Variants in MAP3K2 observed in about 807,000 individuals in gnomAD.
MAP3K2 encodes mitogen-activated protein kinase kinase kinase 2.
A neutral mutation model predicts 80.3 loss-of-function variants in MAP3K2; 24 were observed. That is an observed-to-expected ratio of 0.30 (90% confidence interval 0.22 to 0.42). MAP3K2 has a LOEUF of 0.42. Ranked by LOEUF, MAP3K2 falls within the 10% of genes least tolerant of loss-of-function variation. The probability of loss-of-function intolerance (pLI) is 1.00; values close to 1 mark genes in which losing one functional copy is unlikely to be tolerated. For missense variants in MAP3K2, 608 were observed against 750.1 expected, an observed-to-expected ratio of 0.81 and a Z score of 2.21; for synonymous variants, 244 against 253.7, an observed-to-expected ratio of 0.96 and a Z score of 0.36.
At chr2:127,381,693 T>C (rs1287607105) in intron 1 of MAP3K2, among the ~76,000 whole-genome samples, 1 of 152,160 alleles carries the variant, frequency 6.6e-6, no homozygotes, top group Non-Finnish European at 1.5e-5. Flanking sequence ...GTGAGAAAAA[T>C]ATACCTCACC....
In MAP3K2 at chr2:127,300,598, T is replaced by C. The variant is rs574457274; in HGVS notation, c.*6981A>G. 37 of 152,128 alleles carry C rather than the reference T, an allele frequency of 2.4e-4. No individual in the cohort carries two copies. Among genetic ancestry groups the C allele is most frequent in the Non-Finnish European group, 4.0e-4 (27 of 67,980 alleles). 9.4% of individuals were successfully genotyped at this position (152,128 alleles called of 1,614,324 possible). On this transcript the variant is annotated 3_prime_UTR_variant, in exon 17 of 17. Coordinates refer to ENST00000682094, the MANE Select transcript of MAP3K2 (RefSeq NM_001371910.2). ...TTAAAAGTATTTTTGGTATTAACTC[T>C]TATAATATTTCAGAATTCAGGGTAG...
rs571094254 is a variant in MAP3K2, at chr2:127,333,045, T to C, written c.265-2540A>G. Among the ~76,000 whole-genome samples the C allele has an allele frequency of 1.3e-3, 200 of 151,504 alleles. 1 individual carries two copies. The highest frequency in any genetic ancestry group is 6.8e-3 in the Middle Eastern group (2 of 292). ...CTTAGAAGGCTGAGTGGGGAGAGGA[T>C]TGATTGAGCCAGGGAGGTCAAGGCT... On this transcript the variant is annotated intron_variant, in intron 5 of 16. Transcript: ENST00000682094.
In MAP3K2 at chr2:127,324,192, T is replaced by C. The variant is rs1421561805; in HGVS notation, c.727A>G (p.Asn243Asp). ...GTCTAACCTGAAAATTCCTGATGAT[T>C]ATCTGGGTAGCTCTGAGCCCTAGGC... ...RMPRAQSYPD[N>D]HQEFSDYDNP... is the part of the protein sequence containing the mutation. The change falls in exon 10 of 17, where the codon AAT (asparagine) becomes GAT (aspartate). Residue 243 changes from asparagine (N) to aspartate (D), a missense_variant. By Grantham distance (23) the Asn-to-Asp change is conservative. Around this residue, in one of 4 missense-constraint regions of MAP3K2, gnomAD observed 467 missense variants for 521.9 expected, o/e 0.89. Transcript: ENST00000682094. The C allele has an allele frequency of 1.9e-6, 3 of 1,558,514 alleles. No homozygotes were observed. Among genetic ancestry groups the C allele is most frequent in the Non-Finnish European group, 2.6e-6 (3 of 1,152,766 alleles).
chr2:127,311,474 G>T (rs927196323), intron 15 of MAP3K2, among the ~76,000 whole-genome samples: 2 of 152,172 alleles, frequency 1.3e-5, no homozygotes, highest in African/African-American at 4.8e-5. Context: ...AAAACGGGTA[G>T]CCAGGCTCCA....
rs1346013762 is a variant in MAP3K2, at chr2:127,317,943, T to C, written c.1195-183A>G. On this transcript the variant is annotated intron_variant, in intron 13 of 16. Coordinates refer to ENST00000682094, the MANE Select transcript of MAP3K2 (RefSeq NM_001371910.2). The stretch of plus-strand genomic sequence containing the variant: ...GATGATATGCTAAAGCAACACTGAC[T>C]CAGATTAGGATTATAACTGAAGTAC... Among the ~76,000 whole-genome samples, 3 of 151,962 alleles carry C rather than the reference T, an allele frequency of 2.0e-5. No homozygotes were observed. In the East Asian group the frequency reaches 5.8e-4, roughly 29 times the overall value.
intron 5 of MAP3K2, among the ~76,000 whole-genome samples, chr2:127,334,741 C>T (rs184351432): frequency 2.7e-5 from 4 of 150,154 alleles, no homozygotes; most frequent in Admixed American, 1.3e-4. Flanking sequence ...CCACTGTGCT[C>T]TGCCCGTTAT....
At position 127,306,694 on chromosome 2, in the gene MAP3K2, C is replaced by A. The variant is rs1162212570; in HGVS notation, c.*885G>T. 1 of 152,146 alleles carries A rather than the reference C, an allele frequency of 6.6e-6. No homozygotes were observed. Among genetic ancestry groups the A allele is most frequent in the East Asian group, 1.9e-4 (1 of 5,198 alleles). The allele number at this position is 152,146 out of a possible 1,614,324, so 9.4% of individuals were successfully genotyped here. On this transcript the variant is annotated 3_prime_UTR_variant, in exon 17 of 17. Coordinates refer to ENST00000682094, the MANE Select transcript of MAP3K2 (RefSeq NM_001371910.2). This position sits in a 1 kb window ranked among gnomAD's most constrained non-coding sequence, Gnocchi z 4.7. ...CCCCCTCAAGTAAAACAAAACAAAA[C>A]TGTTTAAAATACACTAAACACCTAA...
At chr2:127,354,711 G>C (rs773690288) in intron 1 of MAP3K2, among the ~76,000 whole-genome samples, 5 of 151,922 alleles carry the variant, frequency 3.3e-5, no homozygotes, top group Non-Finnish European at 2.9e-5. Flanking sequence ...ATAATATATG[G>C]TATTGAATCA....
At chr2:127,330,983 G>A (rs1180418646) in intron 5 of MAP3K2, among the ~76,000 whole-genome samples, 1 of 152,094 alleles carries the variant, frequency 6.6e-6, no homozygotes, top group African/African-American at 2.4e-5. Context: ...TGCCATGGAG[G>A]ACAGCTGCCA....
chr2:127,314,955 T>A lies in MAP3K2; in HGVS notation c.1327-72A>T. 5.4e-6 allele frequency: 6 copies of A among 1,115,866 alleles called. No homozygotes were observed. The South Asian group carries it at 7.2e-5, about 13-fold the overall frequency. 69.1% of individuals were successfully genotyped at this position (1,115,866 alleles called of 1,614,324 possible). ...AATGAAAACTGCTATTAAATCTTTA[T>A]CAGTAAAGAGGGCAGGAATTCTCAT... is the stretch of plus-strand genomic sequence containing the variant. On this transcript the variant is annotated intron_variant, in intron 14 of 16. Coordinates refer to ENST00000682094, the MANE Select transcript of MAP3K2 (RefSeq NM_001371910.2).
intron 9 of MAP3K2, among the ~76,000 whole-genome samples, chr2:127,324,820 T>A (rs563855404): frequency 2.8e-4 from 42 of 152,324 alleles, no homozygotes; most frequent in Non-Finnish European, 5.6e-4. Context: ...CAGAGAGGAT[T>A]ACCAAGAATA....
At position 127,319,654 on chromosome 2, in the gene MAP3K2, AAAAAAAAAAAAAAAAAAAAAAAAAG is replaced by A. The variant is rs892860280; in HGVS notation, c.1046-1362_1046-1338del. Among the ~76,000 whole-genome samples the A allele has an allele frequency of 8.5e-3, 172 of 20,302 alleles. 2 individuals carry two copies. The East Asian group carries it at 0.28, about 33-fold the overall frequency. 13.3% of individuals were successfully genotyped at this position (20,302 alleles called of 152,430 possible). ...ACCCCATCTCTACTAAAAATACAAAAAAAAAAAAAAAAAAAAAAAAAAAAGAAAAAGAAAAATAGCCAGGTGTGGT... is the reference window on the plus strand; with the variant it reads ...ACCCCATCTCTACTAAAAATACAAAAAAAAAGAAAAATAGCCAGGTGTGGT... On this transcript the variant is annotated intron_variant, in intron 12 of 16. Coordinates refer to ENST00000682094, the MANE Select transcript of MAP3K2 (RefSeq NM_001371910.2).
intron 5 of MAP3K2, among the ~76,000 whole-genome samples, chr2:127,333,223 C>G (rs1431475199): frequency 6.6e-6 from 1 of 151,004 alleles, no homozygotes; most frequent in African/African-American, 2.4e-5. Flanking sequence ...CCACATCCAA[C>G]CCCCATGACA....
intron 1 of MAP3K2, among the ~76,000 whole-genome samples, chr2:127,359,262 G>A (rs545499470): frequency 3.7e-4 from 57 of 152,176 alleles, no homozygotes; most frequent in African/African-American, 1.3e-3. Flanking sequence ...CGACACTAAC[G>A]CAAGATGTTA....
Position 127,321,877 on chromosome 2 carries a change from A to C in MAP3K2, c.1045+169T>G, listed in dbSNP as rs139796669. ...GAATTATCTAAAGTAATTAGCAGTG[A>C]TACCATGCTTATACCTGACATTCCA... On this transcript the variant is annotated intron_variant, in intron 12 of 16. Coordinates refer to ENST00000682094, the MANE Select transcript of MAP3K2 (RefSeq NM_001371910.2). This position sits in a 1 kb window ranked among gnomAD's most constrained non-coding sequence, Gnocchi z 4.4. Among the ~76,000 whole-genome samples the C allele has an allele frequency of 1.6e-3, 248 of 152,344 alleles. No homozygotes were observed. The highest frequency in any genetic ancestry group is 5.2e-3 in the African/African-American group (218 of 41,578).
Position 127,302,249 on chromosome 2 carries a change from ATAT to A in MAP3K2, c.*5327_*5329del, listed in dbSNP as rs1163096399. 1 of 152,258 alleles carries A rather than the reference ATAT, an allele frequency of 6.6e-6. No homozygotes were observed. The highest frequency in any genetic ancestry group is 1.9e-4 in the East Asian group (1 of 5,190). The allele number at this position is 152,258 out of a possible 1,614,324, so 9.4% of individuals were successfully genotyped here. On this transcript the variant is annotated 3_prime_UTR_variant, in exon 17 of 17. Transcript: ENST00000682094. ...CCAAGAGTATGGCAATTTACAATCA[ATAT>A]TATTATACAATCATTTGTACTAGCT...
Position 127,306,601 on chromosome 2 carries a change from AG to A in MAP3K2, c.*977del, listed in dbSNP as rs1318519585. The A allele has an allele frequency of 1.3e-5, 2 of 152,220 alleles. No individual in the cohort carries two copies. Among genetic ancestry groups the A allele is most frequent in the Non-Finnish European group, 2.9e-5 (2 of 68,040 alleles). The allele number at this position is 152,220 out of a possible 1,614,324, so 9.4% of individuals were successfully genotyped here. The stretch of plus-strand genomic sequence containing the variant: ...TAAGGGATGTTACCTATGGGGAATC[AG>A]GAGCTGGAAATAGAAGATGGTATAC... On this transcript the variant is annotated 3_prime_UTR_variant, in exon 17 of 17. Coordinates refer to ENST00000682094, the MANE Select transcript of MAP3K2 (RefSeq NM_001371910.2). This position sits in a 1 kb window ranked among gnomAD's most constrained non-coding sequence, Gnocchi z 4.7.
intron 6 of MAP3K2, 142 bp from the exon 7 acceptor site, chr2:127,330,150 C>T (rs772144431): frequency 3.3e-6 from 2 of 605,814 alleles, no homozygotes; most frequent in Admixed American, 6.5e-5. Flanking sequence ...TTAATTCTAA[C>T]ATAATTCTAA....
At chr2:127,366,869 T>TTG (rs1686981283) in intron 1 of MAP3K2, among the ~76,000 whole-genome samples, 1 of 119,440 alleles carries the variant, frequency 8.4e-6, no homozygotes. Context: ...GTCAAGGGTT[T>TTG]TTTTTTTTTT....
Sources: gnomAD v4.1 joint callset for allele counts (sites outside exome capture counted in the v4.1 genomes callset) on GRCh38, gnomAD v4.1.1 for gene constraint, gnomAD v4.1.1 regional missense constraint, Gnocchi (gnomAD v3.1) non-coding constraint, MANE v1.5 for transcripts, NCBI Gene and HGNC (gene_info 2026-07-23, HGNC 2026-07-21) for gene names.